The following NXPE4 variants were observed in gnomAD, a reference collection of about 807,000 sequenced individuals.
NXPE4 encodes neurexophilin and PC-esterase domain family member 4.
Under a neutral mutation model 33.3 loss-of-function variants are expected in NXPE4, and 42 were observed. The observed-to-expected ratio is 1.26, with a 90% confidence interval of 0.98 to 1.63. The LOEUF (loss-of-function observed/expected upper bound fraction) is 1.63. NXPE4 is among the 40% of genes most tolerant of loss of function. The pLI, the probability that NXPE4 is intolerant of heterozygous loss-of-function variation, is 0.00. For missense variants in NXPE4, 709 were observed against 647.6 expected (o/e 1.09, Z -1.03); for synonymous variants, 253 against 234.9 (o/e 1.08, Z -0.71).
the NXPE4 span, among the ~76,000 whole-genome samples, chr11:114,669,149 C>T: frequency 2.4e-4 from 36 of 152,160 alleles, no homozygotes; most frequent in Non-Finnish European, 5.0e-4. Flanking sequence ...GCTCTGTGGA[C>T]CCTCTCCCCA....
chr11:114,594,099 A>G (rs1032703006), intron 2 of NXPE4, among the ~76,000 whole-genome samples: 1 of 152,160 alleles, frequency 6.6e-6, no homozygotes, highest in African/African-American at 2.4e-5. Context: ...AGAATGAATA[A>G]GATCTAGCAT....
the NXPE4 span, among the ~76,000 whole-genome samples, chr11:114,609,323 C>A: frequency 1.3e-5 from 2 of 151,666 alleles, no homozygotes; most frequent in East Asian, 1.9e-4. Flanking sequence ...TGGGTAACCA[C>A]GGTTACCCTG....
At chr11:114,571,614 G>C in intron 5 of NXPE4, 141 bp from the exon 6 acceptor site, 1 of 812,828 alleles carries the variant, frequency 1.2e-6, no homozygotes. Context: ...ATGAGGGGAT[G>C]TTTTTGAAAA....
At chr11:114,616,753 CG>C in the NXPE4 span, among the ~76,000 whole-genome samples, 3 of 151,562 alleles carry the variant, frequency 2.0e-5, no homozygotes, top group African/African-American at 7.3e-5. Context: ...CACGGTTAAC[CG>C]GTGGATAATA....
At chr11:114,589,770 A>G (rs1949399806) in intron 2 of NXPE4, among the ~76,000 whole-genome samples, 1 of 152,184 alleles carries the variant, frequency 6.6e-6, no homozygotes, top group Admixed American at 6.5e-5. Context: ...AGAAAGGGCT[A>G]GAAGCCATTA....
chr11:114,656,592 T>G, the NXPE4 span, among the ~76,000 whole-genome samples: 1 of 152,010 alleles, frequency 6.6e-6, no homozygotes, highest in Non-Finnish European at 1.5e-5. Context: ...TGAAAAATAT[T>G]TATAATATAC....
At chr11:114,587,521 A>T (rs1201775238) in intron 2 of NXPE4, among the ~76,000 whole-genome samples, 1 of 152,228 alleles carries the variant, frequency 6.6e-6, no homozygotes, top group African/African-American at 2.4e-5. Context: ...GTCAAAGGGA[A>T]ATCACCAGCA....
the NXPE4 span, among the ~76,000 whole-genome samples, chr11:114,666,763 T>G: frequency 5.9e-5 from 9 of 152,156 alleles, no homozygotes; most frequent in African/African-American, 1.9e-4. Flanking sequence ...AATATCAGCT[T>G]GTCTTGGAAT....
At chr11:114,643,452 T>C in the NXPE4 span, among the ~76,000 whole-genome samples, 1 of 152,206 alleles carries the variant, frequency 6.6e-6, no homozygotes, top group African/African-American at 2.4e-5. Context: ...AAGGAAGGGG[T>C]CCAGTTTCAG....
chr11:114,572,957 G>A (rs1948922894), intron 5 of NXPE4, among the ~76,000 whole-genome samples: 1 of 152,128 alleles, frequency 6.6e-6, no homozygotes, highest in Non-Finnish European at 1.5e-5. Context: ...TAAGAGCTGT[G>A]AGGCAAAGGT....
chr11:114,586,629 G>C (rs1415932865), intron 2 of NXPE4, among the ~76,000 whole-genome samples: 1 of 152,114 alleles, frequency 6.6e-6, no homozygotes, highest in South Asian at 2.1e-4. Flanking sequence ...GCTGTCATGT[G>C]GGGCTGGAAG....
At chr11:114,586,779 C>T (rs1310548372) in intron 2 of NXPE4, among the ~76,000 whole-genome samples, 1 of 152,160 alleles carries the variant, frequency 6.6e-6, no homozygotes, top group Non-Finnish European at 1.5e-5. Flanking sequence ...AAATTTTCTC[C>T]TTTCCTATCC....
intron 5 of NXPE4, among the ~76,000 whole-genome samples, chr11:114,572,515 TA>T (rs1483485877): frequency 6.6e-6 from 1 of 151,848 alleles, no homozygotes; most frequent in Non-Finnish European, 1.5e-5. Flanking sequence ...ATAGTATAAA[TA>T]AAAAACAATC....
the NXPE4 span, among the ~76,000 whole-genome samples, chr11:114,636,677 G>C: frequency 2.0e-5 from 3 of 151,982 alleles, no homozygotes; most frequent in African/African-American, 7.3e-5. Context: ...TGTTCTCATT[G>C]ATTTCAAAGA....
the NXPE4 span, among the ~76,000 whole-genome samples, chr11:114,617,170 C>G: frequency 6.6e-6 from 1 of 151,452 alleles, no homozygotes; most frequent in Non-Finnish European, 1.5e-5. Flanking sequence ...CCATTGTTAC[C>G]CAGTGGATAA....
the NXPE4 span, chr11:114,678,250 T>C: frequency 1.1e-5 from 2 of 182,066 alleles, no homozygotes; most frequent in Non-Finnish European, 2.3e-5. Context: ...TACAAAGGCA[T>C]GAGCAAGGGA....
At chr11:114,632,666 GTA>G in the NXPE4 span, among the ~76,000 whole-genome samples, 2 of 81,972 alleles carry the variant, frequency 2.4e-5, no homozygotes, top group Non-Finnish European at 4.2e-5. Context: ...TAAATATATA[GTA>G]TATATATTTA....
At chr11:114,620,717 C>T in the NXPE4 span, among the ~76,000 whole-genome samples, 1 of 152,188 alleles carries the variant, frequency 6.6e-6, no homozygotes, top group African/African-American at 2.4e-5. Flanking sequence ...TAAGTACTGC[C>T]TCTTGGGTAA....
At chr11:114,651,184 C>T in the NXPE4 span, among the ~76,000 whole-genome samples, 190 of 152,096 alleles carry the variant, frequency 1.2e-3, no homozygotes, top group African/African-American at 4.3e-3. Context: ...AGCCGTGGAC[C>T]CTCGCGGTTG....
Sources: allele counts gnomAD v4.1 joint callset (sites outside exome capture counted in the v4.1 genomes callset), GRCh38; gene constraint gnomAD v4.1.1; transcripts MANE v1.5; gene names NCBI Gene and HGNC (gene_info 2026-07-23, HGNC 2026-07-21).